FHIP2B: variants seen among roughly 807,000 people sequenced by gnomAD.
FHIP2B encodes the protein FHF complex subunit HOOK interacting protein 2B.
Under a neutral mutation model 84.0 loss-of-function variants are expected in FHIP2B, and 72 were observed. The observed-to-expected ratio is 0.86, with a 90% CI of 0.71 to 1.04. FHIP2B has a LOEUF of 1.04. Among genes scored for constraint, FHIP2B ranks in the 50% least tolerant of loss-of-function variants. The pLI is 0.00. For missense variants in FHIP2B, 972 were observed against 968.9 expected (o/e 1.00, Z -0.04); for synonymous variants, 497 against 418.7 (o/e 1.19, Z -2.28).
At chr8:22,094,375 C>G (rs1240719274) in intron 1 of FHIP2B, 65 bp from the exon 2 acceptor site, 8 of 1,493,944 alleles carry the variant, frequency 5.4e-6, no homozygotes, top group African/African-American at 1.4e-5. Flanking sequence ...ATATCTGTTC[C>G]CATGCGGGCA....
chr8:22,094,917 G>A, intron 2 of FHIP2B: 1 of 1,074,592 alleles, frequency 9.3e-7, no homozygotes. Context: ...TTTCCCCTGA[G>A]CCAGCTTAGG....
At chr8:22,096,259 T>G in intron 2 of FHIP2B, 78 bp from the exon 3 acceptor site, 2 of 1,392,592 alleles carry the variant, frequency 1.4e-6, no homozygotes, top group South Asian at 3.1e-5. Context: ...TTTCTGGGCT[T>G]TGGCAGGAGA....
intron 1 of FHIP2B, among the ~76,000 whole-genome samples, chr8:22,089,559 C>A (rs529930019): frequency 2.2e-4 from 34 of 152,238 alleles, no homozygotes; most frequent in African/African-American, 7.9e-4. Context: ...TCTGTGCGTC[C>A]TGGCCCCGGA....
intron 1 of FHIP2B, among the ~76,000 whole-genome samples, chr8:22,091,656 C>T (rs939364836): frequency 6.6e-6 from 1 of 152,220 alleles, no homozygotes; most frequent in African/African-American, 2.4e-5. Context: ...CACCAGCTCT[C>T]TAATGGCCTG....
chr8:22,102,985 C>G lies in FHIP2B; in HGVS notation c.*54C>G. 6.4e-7 allele frequency: 1 copy of G among 1,574,302 alleles called. No homozygotes were observed. Among genetic ancestry groups the G allele is most frequent in the Admixed American group, 1.8e-5 (1 of 56,242 alleles). On this transcript the variant is annotated 3_prime_UTR_variant, in exon 17 of 17. Coordinates refer to ENST00000289921, the MANE Select transcript of FHIP2B (RefSeq NM_022749.7). Reference sequence around the variant, plus strand: ...GTCCACACCTCTGCCCCAGAGCTGCCTCCTGCCTGGCACTGCCGCCACACT... The same window carrying G: ...GTCCACACCTCTGCCCCAGAGCTGCGTCCTGCCTGGCACTGCCGCCACACT...
Position 22,099,899 on chromosome 8 carries a change from G to C in FHIP2B, c.1341+6G>C. The stretch of plus-strand genomic sequence containing the variant: ...GTGACCACCTCTCTGATGAGGTACA[G>C]TGGGGGACCTCCATCTCTGTTCCTC... On this transcript the variant is annotated splice_donor_region_variant and intron_variant, in intron 10 of 16. Coordinates refer to ENST00000289921, the MANE Select transcript of FHIP2B (RefSeq NM_022749.7). 3.1e-6 allele frequency: 5 copies of C among 1,599,672 alleles called. No homozygotes were observed. The highest frequency in any genetic ancestry group is 4.3e-6 in the Non-Finnish European group (5 of 1,174,532).
At chr8:22,101,227 T>C in intron 12 of FHIP2B, 1 of 641,190 alleles carries the variant, frequency 1.6e-6, no homozygotes, top group Middle Eastern at 4.3e-4. Context: ...TTCCCCATGT[T>C]GGCCAGGCAG....
rs1381395116 is a variant in FHIP2B at position 22,104,676 on chromosome 8, G to C, written c.*1745G>C. 6.6e-6 allele frequency: 1 copy of C among 152,174 alleles called. No homozygotes were observed. The highest frequency in any genetic ancestry group is 1.5e-5 in the Non-Finnish European group (1 of 68,040). The allele number at this position is 152,174 out of a possible 1,614,324, so 9.4% of individuals were successfully genotyped here. On this transcript the variant is annotated 3_prime_UTR_variant, in exon 17 of 17. Transcript: ENST00000289921. Reference sequence around the variant, plus strand: ...ATGGACCACGTGGGAGCATCTGTGTGCAAGTCTCATTTGGGTGTGTTTATG... The same window carrying C: ...ATGGACCACGTGGGAGCATCTGTGTCCAAGTCTCATTTGGGTGTGTTTATG...
At chr8:22,097,270 C>T (rs1825822055) in intron 3 of FHIP2B, among the ~76,000 whole-genome samples, 1 of 152,100 alleles carries the variant, frequency 6.6e-6, no homozygotes, top group African/African-American at 2.4e-5. Flanking sequence ...TCTGGGGGTG[C>T]AGTGTTCCAG....
In FHIP2B at chr8:22,098,457, T is replaced by G. The variant is rs2131709935; in HGVS notation, c.803T>G (p.Leu268Arg). The stretch of plus-strand genomic sequence containing the variant: ...GTGGCCTTGAAGGCCCAGGAGAACC[T>G]GCTGCTCCTGGTGAGCATGGCCTCC... Reference protein sequence around the residue: ...SRVALKAQENLLLLVSMASPA... With the variant: ...SRVALKAQENRLLLVSMASPA... The change falls in exon 7 of 17, where the codon CTG (leucine) becomes CGG (arginine). Residue 268 changes from leucine to arginine, a missense_variant. By Grantham distance (102) the Leu-to-Arg change is moderately radical. Coordinates refer to ENST00000289921, the MANE Select transcript of FHIP2B (RefSeq NM_022749.7). 1.2e-6 allele frequency: 2 copies of G among 1,606,866 alleles called. No homozygotes were observed. The highest frequency in any genetic ancestry group is 4.5e-5 in the East Asian group (2 of 44,666).
chr8:22,092,720 C>T (rs1401828340), intron 1 of FHIP2B, among the ~76,000 whole-genome samples: 5 of 152,154 alleles, frequency 3.3e-5, no homozygotes, highest in African/African-American at 4.8e-5. Flanking sequence ...GCACACTTTG[C>T]AGAGTTCCTT....
Position 22,097,501 on chromosome 8 carries a change from T to C in FHIP2B, c.298-15T>C. On this transcript the variant is annotated splice_polypyrimidine_tract_variant and intron_variant, in intron 3 of 16. Coordinates refer to ENST00000289921, the MANE Select transcript of FHIP2B (RefSeq NM_022749.7). Reference sequence around the variant, plus strand: ...GGGGACACGGCTCTGACAGGCGCTCTGTCCCTGGCCTCAGTACCCCCCAGG... The same window carrying C: ...GGGGACACGGCTCTGACAGGCGCTCCGTCCCTGGCCTCAGTACCCCCCAGG... 1 of 1,590,314 alleles carries C rather than the reference T, an allele frequency of 6.3e-7. No homozygotes were observed. Among genetic ancestry groups the C allele is most frequent in the Non-Finnish European group, 8.5e-7 (1 of 1,169,700 alleles).
rs1292579018 is a variant in FHIP2B at position 22,102,606 on chromosome 8, A to G, written c.2071A>G (p.Thr691Ala). 1 of 1,563,210 alleles carries G rather than the reference A, an allele frequency of 6.4e-7. No homozygotes were observed. Residue 691 changes from threonine (T) to alanine (A), a missense_variant, in exon 16 of 17, where the codon ACG (threonine) becomes GCG (alanine). By Grantham distance (58) the Thr-to-Ala change is moderately conservative. Transcript: ENST00000289921. ...GKLLLVRKQL[T>A]GQAPGEQLDH... ...GCTGCTCCTGGTGCGCAAGCAGTTG[A>G]CGGGCCAGGCTCCTGGGGAGCAGTG...
intron 8 of FHIP2B, 56 bp downstream of exon 8, chr8:22,099,112 T>A: frequency 6.6e-7 from 1 of 1,512,678 alleles, no homozygotes; most frequent in Non-Finnish European, 9.0e-7. Context: ...ACCATCTCCA[T>A]CTCGAGGACC....
In FHIP2B at chr8:22,101,855, G is replaced by T; in HGVS notation, c.1851+4G>T. ...CATGTCCCGGATTCTGGATCAGGTA[G>T]CTAGTGGGCCTGGGCCAGGAGAACT... On this transcript the variant is annotated splice_donor_region_variant and intron_variant, in intron 14 of 16. Transcript: ENST00000289921. The T allele has an allele frequency of 1.2e-6, 2 of 1,612,916 alleles. No homozygotes were observed. Among genetic ancestry groups the T allele is most frequent in the Non-Finnish European group, 1.7e-6 (2 of 1,179,590 alleles).
chr8:22,089,466 G>A (rs545939344), intron 1 of FHIP2B, among the ~76,000 whole-genome samples, 168 bp downstream of exon 1: 134 of 151,090 alleles, frequency 8.9e-4, no homozygotes, highest in African/African-American at 2.9e-3. Flanking sequence ...GCCGCGCCCC[G>A]CTTCCCCTCG....
chr8:22,093,052 C>T (rs1340428355), intron 1 of FHIP2B, among the ~76,000 whole-genome samples: 1 of 152,166 alleles, frequency 6.6e-6, no homozygotes, highest in Non-Finnish European at 1.5e-5. Context: ...TCATGAGTGG[C>T]TACTCAGTTC....
chr8:22,098,306 G>A lies in FHIP2B; in HGVS notation c.764G>A (p.Ser255Asn). Residue 255 changes from serine (S) to asparagine (N), a missense_variant, in exon 6 of 17, where the codon AGC becomes AAC. Transcript: ENST00000289921. ...ACCTCCCTGCTTGGGCTGTGCCAGAGCAAGGTGCTGGCAGCAGAGATGGAG... is the reference window on the plus strand; with the variant it reads ...ACCTCCCTGCTTGGGCTGTGCCAGAACAAGGTGCTGGCAGCAGAGATGGAG... ...LITSLLGLCQ[S>N]KKSRVALKAQ... The A allele has an allele frequency of 1.3e-6, 2 of 1,526,092 alleles. No homozygotes were observed. The highest frequency in any genetic ancestry group is 1.8e-6 in the Non-Finnish European group (2 of 1,133,256). 94.5% of individuals were successfully genotyped at this position (1,526,092 alleles called of 1,614,324 possible). A position where few individuals can be genotyped will look rare whatever the true frequency, so the allele number is the denominator to read the frequency against.
At position 22,099,672 on chromosome 8, in the gene FHIP2B, C is replaced by G. The variant is rs1170177547; in HGVS notation, c.1152-32C>G. On this transcript the variant is annotated intron_variant, in intron 9 of 16. Coordinates refer to ENST00000289921, the MANE Select transcript of FHIP2B (RefSeq NM_022749.7). ...CGCACTCATGTGCTGTCTGCACACA[C>G]CGGGCCTGGCTAAGGTGCCCTCTTC... is the stretch of plus-strand genomic sequence containing the variant. 1.9e-6 allele frequency: 3 copies of G among 1,542,498 alleles called. No homozygotes were observed. The African/African-American group carries it at 4.2e-5, about 21-fold the overall frequency.
Sources: gnomAD v4.1 joint callset for allele counts (sites outside exome capture counted in the v4.1 genomes callset) on GRCh38, gnomAD v4.1.1 for gene constraint, MANE v1.5 for transcripts, NCBI Gene and HGNC (gene_info 2026-07-23, HGNC 2026-07-21) for gene names.